PLXNA4: variants seen among roughly 807,000 people sequenced by gnomAD.
PLXNA4 encodes plexin A4.
A neutral mutation model predicts 191.8 loss-of-function variants in PLXNA4; 44 were observed. The observed-to-expected ratio is 0.23, with a 90% CI of 0.18 to 0.29. The LOEUF (loss-of-function observed/expected upper bound fraction) is 0.29. PLXNA4 is among the 10% of genes least tolerant of loss of function. The pLI is 1.00. For synonymous variants in PLXNA4, 1,082 were observed against 1,009.5 expected, an observed-to-expected ratio of 1.07 and a Z score of -1.36; for missense variants, 1,800 against 2,488.8, an observed-to-expected ratio of 0.72 and a Z score of 5.89.
At chr7:132,221,378 A>G (rs970501508) in intron 9 of PLXNA4, among the ~76,000 whole-genome samples, 3 of 152,208 alleles carry the variant, frequency 2.0e-5, no homozygotes, top group Non-Finnish European at 4.4e-5. Flanking sequence ...TCTGCCAGAT[A>G]TGGCAGTCTG....
At chr7:132,196,851 G>T (rs773699042) in intron 13 of PLXNA4, among the ~76,000 whole-genome samples, 1 of 152,010 alleles carries the variant, frequency 6.6e-6, no homozygotes. Context: ...TTTATTTTTC[G>T]TATGACTTTC....
At chr7:132,345,491 C>T (rs539843292) in intron 3 of PLXNA4, among the ~76,000 whole-genome samples, 4 of 152,292 alleles carry the variant, frequency 2.6e-5, no homozygotes, top group East Asian at 1.9e-4. Flanking sequence ...ACAACAACTA[C>T]CTAGCTTGCT....
At chr7:132,245,945 G>A (rs1479271922) in intron 4 of PLXNA4, among the ~76,000 whole-genome samples, 2 of 152,196 alleles carry the variant, frequency 1.3e-5, no homozygotes, top group Non-Finnish European at 2.9e-5. Context: ...GGAGGAATAA[G>A]GAGTTACTCT....
chr7:132,635,185 TA>T (rs1803574421), intron 2 of PLXNA4, among the ~76,000 whole-genome samples: 3 of 147,838 alleles, frequency 2.0e-5, no homozygotes, highest in African/African-American at 7.4e-5. Context: ...TATATATATA[TA>T]TATATATATA....
intron 2 of PLXNA4, among the ~76,000 whole-genome samples, chr7:132,607,210 CCT>C (rs1802943532): frequency 6.6e-6 from 1 of 152,132 alleles, no homozygotes; most frequent in Non-Finnish European, 1.5e-5. Context: ...CAGAGGCTGA[CCT>C]ACACATACAC....
intron 4 of PLXNA4, among the ~76,000 whole-genome samples, chr7:132,292,093 C>T (rs1800914319): frequency 6.6e-6 from 1 of 152,206 alleles, no homozygotes; most frequent in Non-Finnish European, 1.5e-5. Flanking sequence ...CCACACTCAG[C>T]CCCCAGGAAA....
In PLXNA4 at chr7:132,508,019, C is replaced by A; in HGVS notation, c.675G>T (p.Ser225=). The A allele has an allele frequency of 1.9e-6, 3 of 1,614,210 alleles. No individual in the cohort carries two copies. Among genetic ancestry groups the A allele is most frequent in the Non-Finnish European group, 2.5e-6 (3 of 1,180,042 alleles). The change falls in exon 2 of 32, where the codon TCG becomes TCT. Residue 225 remains serine (S), a synonymous_variant. Transcript: ENST00000321063. The surrounding 1 kb of genome is among the most constrained non-coding windows in gnomAD (Gnocchi z 4.4). ...AGGTGTCCGAAGGGATCTTAATCAT[C>A]GAGGCCACGAACTCATCATGGAAGA... ...AYVFHDEFVA[S]MIKIPSDTFT... is the part of the protein sequence containing the mutation.
At chr7:132,179,660 G>A in intron 20 of PLXNA4, 27 bp downstream of exon 20, 1 of 1,602,536 alleles carries the variant, frequency 6.2e-7, no homozygotes, top group South Asian at 1.1e-5. Flanking sequence ...ACACACACAT[G>A]GCCTCCAGCA....
chr7:132,260,648 T>C (rs1799605892), intron 4 of PLXNA4, among the ~76,000 whole-genome samples: 1 of 151,038 alleles, frequency 6.6e-6, no homozygotes, highest in Non-Finnish European at 1.5e-5. Context: ...AACTTGCACA[T>C]ACATGTGTTG....
At chr7:132,365,040 G>A (rs151102998) in intron 3 of PLXNA4, among the ~76,000 whole-genome samples, 7 of 152,224 alleles carry the variant, frequency 4.6e-5, no homozygotes, top group East Asian at 3.9e-4. Context: ...CCTGACAGAC[G>A]TCCATCCTCG....
chr7:132,528,629 A>G (rs1035455532), intron 1 of PLXNA4, among the ~76,000 whole-genome samples: 2 of 152,240 alleles, frequency 1.3e-5, no homozygotes, highest in Non-Finnish European at 1.5e-5. Flanking sequence ...GCTCTTTAAA[A>G]GAGACTCATG....
At chr7:132,204,861 A>C (rs1797559567) in intron 10 of PLXNA4, among the ~76,000 whole-genome samples, 1 of 152,202 alleles carries the variant, frequency 6.6e-6, no homozygotes, top group Non-Finnish European at 1.5e-5. Flanking sequence ...ACAGACTGTG[A>C]CTTGACATTG....
intron 3 of PLXNA4, among the ~76,000 whole-genome samples, chr7:132,361,941 G>T (rs577500670): frequency 6.6e-6 from 1 of 152,292 alleles, no homozygotes; most frequent in South Asian, 2.1e-4. Flanking sequence ...TATCAATATT[G>T]TTCCTTTTCT....
intron 1 of PLXNA4, among the ~76,000 whole-genome samples, chr7:132,566,327 T>C (rs149056452): frequency 1.1e-3 from 164 of 151,922 alleles, no homozygotes; most frequent in Non-Finnish European, 2.0e-3. Flanking sequence ...CATACAATCA[T>C]TACCTATGTG....
chr7:132,578,473 T>C (rs992970147), upstream of PLXNA4, among the ~76,000 whole-genome samples: 6 of 152,200 alleles, frequency 3.9e-5, no homozygotes, highest in African/African-American at 1.4e-4. Flanking sequence ...GCCTCCTTAT[T>C]AGGTGGACAT....
intron 2 of PLXNA4, among the ~76,000 whole-genome samples, chr7:132,606,520 C>A (rs1802926227): frequency 6.6e-6 from 1 of 152,244 alleles, no homozygotes; most frequent in South Asian, 2.1e-4. Flanking sequence ...ATGCAGTTTT[C>A]TGCATTCACC....
rs1684300926 is a variant in PLXNA4, at chr7:132,150,947, C to T, written c.4661-2301G>A. 2.0e-5 allele frequency among the ~76,000 whole-genome samples: 3 copies of T among 152,198 alleles called. No homozygotes were observed. The South Asian group carries it at 6.2e-4, about 32-fold the overall frequency. ...GGAAATTATGAGAATGAGAGTCCAC[C>T]TACCTCCATGCCCCTATCCAAAAAG... On this transcript the variant is annotated intron_variant, in intron 25 of 31. Transcript: ENST00000321063.
chr7:132,435,374 G>T (rs140288261), intron 3 of PLXNA4, among the ~76,000 whole-genome samples: 217 of 152,182 alleles, frequency 1.4e-3, no homozygotes, highest in African/African-American at 4.8e-3. Flanking sequence ...ACTTAATACA[G>T]TTGCTCAGAC....
At chr7:132,365,364 TGC>T (rs10690790) in intron 3 of PLXNA4, among the ~76,000 whole-genome samples, 1 of 147,214 alleles carries the variant, frequency 6.8e-6, no homozygotes, top group African/African-American at 2.5e-5. Context: ...TGTGTGTGCG[TGC>T]GCGCGCATGC....
Sources: gnomAD v4.1 joint callset for allele counts (sites outside exome capture counted in the v4.1 genomes callset) on GRCh38, gnomAD v4.1.1 for gene constraint, Gnocchi (gnomAD v3.1) non-coding constraint, MANE v1.5 for transcripts, NCBI Gene and HGNC (gene_info 2026-07-23, HGNC 2026-07-21) for gene names.